The following FHAD1 variants were observed in gnomAD, a reference collection of about 807,000 sequenced individuals.
FHAD1 encodes the protein forkhead-associated domain-containing protein 1.
Under a neutral mutation model 191.3 loss-of-function variants are expected in FHAD1, and 146 were observed. That is an observed-to-expected ratio of 0.76 (90% confidence interval 0.67 to 0.88). FHAD1 has a LOEUF of 0.88. FHAD1 is among the 40% of genes least tolerant of loss of function. The pLI, the probability that FHAD1 is intolerant of heterozygous loss-of-function variation, is 0.00. For synonymous variants in FHAD1, 616 were observed against 672.3 expected, an observed-to-expected ratio of 0.92 and a Z score of 1.29; for missense variants, 1,635 against 1,785.8, an observed-to-expected ratio of 0.92 and a Z score of 1.52.
intron 26 of FHAD1, among the ~76,000 whole-genome samples, chr1:15,370,527 C>T (rs987759963): frequency 6.6e-6 from 1 of 152,140 alleles, no homozygotes; most frequent in African/African-American, 2.4e-5. Flanking sequence ...ACTTGTTCTT[C>T]CTGAATTGTG....
intron 28 of FHAD1, among the ~76,000 whole-genome samples, chr1:15,380,454 G>A (rs992836904): frequency 4.6e-5 from 7 of 152,172 alleles, no homozygotes; most frequent in African/African-American, 7.2e-5. Flanking sequence ...GAAGACAGGC[G>A]GTGATCAAAG....
At position 15,316,573 on chromosome 1, in the gene FHAD1, T is replaced by C; in HGVS notation, c.1260+106T>C. On this transcript the variant is annotated intron_variant, in intron 9 of 33. Transcript: ENST00000688493. This position sits in a 1 kb window ranked among gnomAD's most constrained non-coding sequence, Gnocchi z 4.3. ...ATCACTAAGCATGAAGCTCTGGGGC[T>C]CTGTGCTTGCTTGTTTAACATAGTC... 2 of 908,324 alleles carry C rather than the reference T, an allele frequency of 2.2e-6. No individual in the cohort carries two copies. The highest frequency in any genetic ancestry group is 3.4e-6 in the Non-Finnish European group (2 of 582,092). The allele number at this position is 908,324 out of a possible 1,614,324, so 56.3% of individuals were successfully genotyped here.
chr1:15,306,082 G>A (rs1388305250), intron 6 of FHAD1, among the ~76,000 whole-genome samples: 2 of 152,240 alleles, frequency 1.3e-5, no homozygotes, highest in Admixed American at 6.5e-5. Context: ...GCCTGATAGC[G>A]ATATGGATAA....
intron 7 of FHAD1, among the ~76,000 whole-genome samples, chr1:15,309,579 G>A (rs969226138): frequency 2.6e-5 from 4 of 152,158 alleles, no homozygotes; most frequent in Non-Finnish European, 4.4e-5. Context: ...TCCAGCCCAC[G>A]ACCTGCGGGC....
chr1:15,310,079 C>G (rs967438110), intron 7 of FHAD1, among the ~76,000 whole-genome samples: 6 of 152,070 alleles, frequency 3.9e-5, no homozygotes, highest in Admixed American at 1.3e-4. Flanking sequence ...TGGCATGTCT[C>G]GAGACCTGCA....
At chr1:15,402,207 G>A (rs957587221), downstream of FHAD1, among the ~76,000 whole-genome samples, 5 of 152,212 alleles carry the variant, frequency 3.3e-5, no homozygotes, top group East Asian at 1.9e-4. Context: ...TGATGCTACC[G>A]TGTTAGTTAG....
chr1:15,308,883 C>G lies in FHAD1; in HGVS notation c.1039+147C>G, dbSNP rs1671387340. ...CTTCCCAGCAGCCCTTTAGGCAGTT[C>G]CTGTCCATGAATCTGAGTTCACCCT... On this transcript the variant is annotated intron_variant, in intron 7 of 33. Coordinates refer to ENST00000688493, the MANE Select transcript of FHAD1 (RefSeq NM_001391957.1). The G allele has an allele frequency of 3.2e-6, 4 of 1,261,344 alleles. No homozygotes were observed. In the Admixed American group the frequency reaches 9.1e-5, roughly 29 times the overall value. The allele number at this position is 1,261,344 out of a possible 1,614,324, so 78.1% of individuals were successfully genotyped here. A position where few individuals can be genotyped will look rare whatever the true frequency, so the allele number is the denominator to read the frequency against.
At chr1:15,361,875 C>T (rs374250013) in intron 22 of FHAD1, among the ~76,000 whole-genome samples, 138 of 152,068 alleles carry the variant, frequency 9.1e-4, no homozygotes, top group Middle Eastern at 3.4e-3. Context: ...CCTGGTGGCG[C>T]GCGCCTGTAG....
upstream of FHAD1, among the ~76,000 whole-genome samples, chr1:15,242,269 A>G (rs1424003835): frequency 6.6e-6 from 1 of 151,634 alleles, no homozygotes; most frequent in African/African-American, 2.4e-5. Flanking sequence ...CAAAAAGTAC[A>G]GCACTTTGTA....
Position 15,339,466 on chromosome 1 carries a change from T to G in FHAD1, c.1907-15T>G. ...GAATTGATACTTACATTCTTCCTGC[T>G]TCTCTTTTTTTAAGGGTTCTCTTTG... On this transcript the variant is annotated splice_polypyrimidine_tract_variant and intron_variant, in intron 14 of 33. Transcript: ENST00000688493. 8.3e-7 allele frequency: 1 copy of G among 1,201,484 alleles called. No individual in the cohort carries two copies. The allele number at this position is 1,201,484 out of a possible 1,614,324, so 74.4% of individuals were successfully genotyped here. A position where few individuals can be genotyped will look rare whatever the true frequency, so the allele number is the denominator to read the frequency against.
At chr1:15,251,903 G>T in intron 2 of FHAD1, 26 bp downstream of exon 2, 3 of 1,534,098 alleles carry the variant, frequency 2.0e-6, no homozygotes, top group Non-Finnish European at 2.7e-6. Flanking sequence ...ACCTGTTCCC[G>T]TCCCCTCCCT....
Position 15,296,746 on chromosome 1 carries a change from C to G in FHAD1, c.631C>G (p.Pro211Ala), listed in dbSNP as rs968663603. ...GGCCGAGGGGATTCCTGGGGCAGTT[C>G]CCCCTGCGGAGATTTATGTGGAGGA... The part of the protein sequence containing the change: ...SVAEGIPGAV[P>A]PAEIYVEEDL... Residue 211 changes from proline to alanine, a missense_variant, in exon 5 of 34, where the codon CCC becomes GCC. By Grantham distance (27) the Pro-to-Ala change is conservative (BLOSUM62 -1). Coordinates refer to ENST00000688493, the MANE Select transcript of FHAD1 (RefSeq NM_001391957.1). The G allele has an allele frequency of 1.5e-5, 24 of 1,551,648 alleles. No individual in the cohort carries two copies. Among genetic ancestry groups the G allele is most frequent in the Middle Eastern group, 1.7e-4 (1 of 6,012 alleles).
chr1:15,374,758 C>T lies in FHAD1; in HGVS notation c.3577+127C>T, dbSNP rs1286531158. 6.5e-6 allele frequency: 8 copies of T among 1,227,462 alleles called. No homozygotes were observed. In the East Asian group the frequency reaches 2.2e-4, roughly 33 times the overall value. 76.0% of individuals were successfully genotyped at this position (1,227,462 alleles called of 1,614,324 possible). On this transcript the variant is annotated intron_variant, in intron 27 of 33. Transcript: ENST00000688493. Reference sequence around the variant, plus strand: ...CCAGAACTTGGAGGACATTGTAATACACAAAAAGATGGGCAGACCATGATC... The same window carrying T: ...CCAGAACTTGGAGGACATTGTAATATACAAAAAGATGGGCAGACCATGATC...
At chr1:15,361,821 A>G (rs559122096) in intron 22 of FHAD1, among the ~76,000 whole-genome samples, 1 of 152,016 alleles carries the variant, frequency 6.6e-6, no homozygotes, top group South Asian at 2.1e-4. Context: ...CCTGGCCAAC[A>G]TGGTGAAACC....
rs890310374 is a variant in FHAD1 at position 15,318,645 on chromosome 1, A to C, written c.1365+717A>C. Among the ~76,000 whole-genome samples the C allele has an allele frequency of 1.3e-5, 2 of 152,150 alleles. No individual in the cohort carries two copies. The highest frequency in any genetic ancestry group is 3.9e-4 in the East Asian group (2 of 5,194). The stretch of plus-strand genomic sequence containing the variant: ...CAAGACTCCGTCTCAAAAAAAAAAA[A>C]ATTTAATTAAAAATAAATAAAACAA... On this transcript the variant is annotated intron_variant, in intron 10 of 33. Coordinates refer to ENST00000688493, the MANE Select transcript of FHAD1 (RefSeq NM_001391957.1). The surrounding 1 kb of genome is among the most constrained non-coding windows in gnomAD (Gnocchi z 4.1).
At chr1:15,249,771 C>G (rs1646542495) in intron 1 of FHAD1, among the ~76,000 whole-genome samples, 1 of 152,028 alleles carries the variant, frequency 6.6e-6, no homozygotes, top group South Asian at 2.1e-4. Context: ...ACCTCTCCCT[C>G]CCCCCACTCA....
intron 2 of FHAD1, among the ~76,000 whole-genome samples, chr1:15,257,749 C>T (rs903516977): frequency 1.2e-4 from 19 of 152,316 alleles, no homozygotes; most frequent in African/African-American, 4.6e-4. Flanking sequence ...AGATCATCAT[C>T]TCTCTTTTCA....
At chr1:15,296,497 C>T (rs968968147) in intron 4 of FHAD1, 187 bp from the exon 5 acceptor site, 3 of 597,788 alleles carry the variant, frequency 5.0e-6, no homozygotes, top group Admixed American at 2.2e-5. Flanking sequence ...GCATGATCCG[C>T]CTGCCTTGGC....
intron 5 of FHAD1, among the ~76,000 whole-genome samples, chr1:15,299,200 AAAAAAAAAAAAAAAAAAGG>A (rs936696865): frequency 1.1e-4 from 10 of 91,396 alleles, no homozygotes; most frequent in African/African-American, 5.5e-4. Flanking sequence ...ACCCTGTCTC[AAAAAAAAAAAAAAAAAAGG>A]AAAAAAAAAA....
Sources: allele counts gnomAD v4.1 joint callset (sites outside exome capture counted in the v4.1 genomes callset), GRCh38; gene constraint gnomAD v4.1.1; non-coding constraint Gnocchi (gnomAD v3.1); transcripts MANE v1.5; gene names NCBI Gene and HGNC (gene_info 2026-07-23, HGNC 2026-07-21).